Variants in DDHD1 observed in about 807,000 individuals in gnomAD.
The protein encoded by DDHD1 is phospholipase DDHD1.
In DDHD1, 49 loss-of-function variants were observed where a neutral mutation model predicts 96.4. The ratio of observed to expected loss-of-function variants is 0.51; its 90% CI spans 0.40 to 0.64. DDHD1 has a LOEUF of 0.64. Among genes scored for constraint, DDHD1 ranks in the 30% least tolerant of loss-of-function variants. DDHD1 has a pLI of 0.00. For missense variants in DDHD1, 1,106 were observed against 1,161.2 expected (o/e 0.95, Z 0.69); for synonymous variants, 442 against 446.5 (o/e 0.99, Z 0.13).
intron 6 of DDHD1, among the ~76,000 whole-genome samples, chr14:53,067,702 C>T (rs1884159207): frequency 6.6e-6 from 1 of 152,216 alleles, no homozygotes; most frequent in African/African-American, 2.4e-5. Context: ...GGTGATCCAC[C>T]CGCCTTGGCC....
intron 1 of DDHD1, among the ~76,000 whole-genome samples, chr14:53,112,042 A>G (rs549012032): frequency 1.3e-5 from 2 of 152,334 alleles, no homozygotes; most frequent in Admixed American, 1.3e-4. Context: ...TTTTGACCAC[A>G]GAGTAGACGT....
At chr14:53,138,225 T>C (rs1027937023) in intron 1 of DDHD1, among the ~76,000 whole-genome samples, 3 of 152,164 alleles carry the variant, frequency 2.0e-5, no homozygotes, top group African/African-American at 7.2e-5. Flanking sequence ...GCCAACATGG[T>C]GAAACCTTAT....
At chr14:53,124,235 C>CAA (rs1231118458) in intron 1 of DDHD1, among the ~76,000 whole-genome samples, 1 of 109,920 alleles carries the variant, frequency 9.1e-6, no homozygotes. Context: ...AACTCTGTCT[C>CAA]AAAAAAAAAA....
At chr14:53,074,728 G>C (rs1243853228) in intron 4 of DDHD1, among the ~76,000 whole-genome samples, 4 of 151,940 alleles carry the variant, frequency 2.6e-5, no homozygotes. Flanking sequence ...GCCTTGTAAA[G>C]GCATACCCTG....
chr14:53,078,190 C>G (rs1885137240), intron 4 of DDHD1, among the ~76,000 whole-genome samples: 1 of 152,126 alleles, frequency 6.6e-6, no homozygotes, highest in Non-Finnish European at 1.5e-5. Flanking sequence ...TTTGGAAGAA[C>G]TGCCAAACTC....
At chr14:53,080,704 C>A (rs938652685) in intron 4 of DDHD1, among the ~76,000 whole-genome samples, 6 of 120,178 alleles carry the variant, frequency 5.0e-5, no homozygotes, top group South Asian at 6.2e-4. Context: ...AATTTCATTT[C>A]TTTTCCTTCC....
intron 2 of DDHD1, among the ~76,000 whole-genome samples, chr14:53,096,568 T>G (rs1049799512): frequency 6.6e-6 from 1 of 152,078 alleles, no homozygotes; most frequent in Non-Finnish European, 1.5e-5. Flanking sequence ...GGTTATTTAC[T>G]CTCACCAAAT....
rs371749062 is a variant in DDHD1 at position 53,046,721 on chromosome 14, G to GA, written c.*46dup. On this transcript the variant is annotated 3_prime_UTR_variant, in exon 13 of 13. Coordinates refer to ENST00000673822, the MANE Select transcript of DDHD1 (RefSeq NM_001160148.2). Reference sequence around the variant, plus strand: ...GTATCTTGACACACACATTTTAACGGAAAAAAAAAAAATCAGTTTTAGGCC... The same window carrying GA: ...GTATCTTGACACACACATTTTAACGGAAAAAAAAAAAAATCAGTTTTAGGCC... 45,872 of 935,336 alleles carry GA rather than the reference G, an allele frequency of 0.049. No homozygotes were observed. Among genetic ancestry groups the GA allele is most frequent in the Non-Finnish European group, 0.056 (38,221 of 686,942 alleles). 57.9% of individuals were successfully genotyped at this position (935,336 alleles called of 1,614,324 possible). A position where few individuals can be genotyped will look rare whatever the true frequency, so the allele number is the denominator to read the frequency against.
intron 10 of DDHD1, 133 bp from the exon 11 acceptor site, chr14:53,054,762 A>G: frequency 1.4e-6 from 1 of 722,720 alleles, no homozygotes; most frequent in East Asian, 2.7e-5. Context: ...TGGGAACATA[A>G]GAAAATTATA....
At chr14:53,141,998 C>T (rs1205379522) in intron 1 of DDHD1, among the ~76,000 whole-genome samples, 1 of 152,030 alleles carries the variant, frequency 6.6e-6, no homozygotes, top group African/African-American at 2.4e-5. Flanking sequence ...TTAGCTAACA[C>T]TTATTGACCT....
Position 53,054,431 on chromosome 14 carries a change from A to C in DDHD1, c.2437+7T>G, listed in dbSNP as rs577522938. 17 of 1,612,206 alleles carry C rather than the reference A, an allele frequency of 1.1e-5. No individual in the cohort carries two copies. Among genetic ancestry groups the C allele is most frequent in the Middle Eastern group, 1.7e-4 (1 of 6,042 alleles). ...TATCAACTTAAGGAAATAATGTATG[A>C]ACTAACATGCAGAATCGAGGAAGCC... is the stretch of plus-strand genomic sequence containing the variant. On this transcript the variant is annotated splice_region_variant and intron_variant, in intron 11 of 12. Transcript: ENST00000673822.
intron 6 of DDHD1, among the ~76,000 whole-genome samples, chr14:53,067,479 A>G (rs1302141126): frequency 1.4e-5 from 2 of 140,102 alleles, no homozygotes; most frequent in Non-Finnish European, 3.0e-5. Flanking sequence ...TTTTTTAGAG[A>G]TGGAATCTCG....
At chr14:53,114,884 T>C (rs1041985747) in intron 1 of DDHD1, among the ~76,000 whole-genome samples, 3 of 152,174 alleles carry the variant, frequency 2.0e-5, no homozygotes, top group Non-Finnish European at 2.9e-5. Flanking sequence ...GATTGCCGAA[T>C]TGACAGAAGT....
At chr14:53,111,656 T>C (rs936636115) in intron 1 of DDHD1, among the ~76,000 whole-genome samples, 13 of 152,178 alleles carry the variant, frequency 8.5e-5, no homozygotes, top group African/African-American at 1.9e-4. Context: ...AAAAATACAT[T>C]AGACTCAGCA....
chr14:53,130,613 G>A (rs368417190), intron 1 of DDHD1, among the ~76,000 whole-genome samples: 1 of 152,258 alleles, frequency 6.6e-6, no homozygotes, highest in East Asian at 1.9e-4. Context: ...ACTTCAAAAC[G>A]CCTGAACTGC....
At chr14:53,111,322 G>A (rs1454014970) in intron 1 of DDHD1, among the ~76,000 whole-genome samples, 1 of 152,008 alleles carries the variant, frequency 6.6e-6, no homozygotes, top group Non-Finnish European at 1.5e-5. Flanking sequence ...CATATTCTAA[G>A]TTATAATTTA....
intron 1 of DDHD1, among the ~76,000 whole-genome samples, chr14:53,113,152 T>A (rs1387491604): frequency 2.0e-5 from 3 of 151,268 alleles, no homozygotes; most frequent in Admixed American, 6.6e-5. Flanking sequence ...TTTTTAGTAG[T>A]TTCAGGGTTT....
chr14:53,080,134 C>T (rs905002253), intron 4 of DDHD1, among the ~76,000 whole-genome samples: 3 of 152,122 alleles, frequency 2.0e-5, no homozygotes, highest in African/African-American at 7.2e-5. Flanking sequence ...CCAAGGCAGG[C>T]AGATCACTTG....
At chr14:53,145,415 A>G (rs574716786) in intron 1 of DDHD1, among the ~76,000 whole-genome samples, 30 of 142,400 alleles carry the variant, frequency 2.1e-4, no homozygotes, top group South Asian at 9.4e-4. Flanking sequence ...AGGTGGGAGG[A>G]TTGCCTGAGC....
Sources: allele counts gnomAD v4.1 joint callset (sites outside exome capture counted in the v4.1 genomes callset), GRCh38; gene constraint gnomAD v4.1.1; transcripts MANE v1.5; gene names NCBI Gene and HGNC (gene_info 2026-07-23, HGNC 2026-07-21).